Variants in CAMTA1 observed in about 807,000 individuals in gnomAD.
CAMTA1 encodes calmodulin-binding transcription activator 1.
In CAMTA1, 27 loss-of-function variants were observed where a neutral mutation model predicts 170.9. That is an observed-to-expected ratio of 0.16 (90% CI 0.12 to 0.22). The LOEUF is 0.22. Among genes scored for constraint, CAMTA1 ranks in the 10% least tolerant of loss-of-function variants. The probability of loss-of-function intolerance (pLI) is 1.00; values close to 1 mark genes in which losing one functional copy is unlikely to be tolerated. For missense variants in CAMTA1, 1,619 were observed against 2,217.2 expected (o/e 0.73, Z 5.42); for synonymous variants, 833 against 891.5 (o/e 0.93, Z 1.17).
intron 5 of CAMTA1, among the ~76,000 whole-genome samples, chr1:7,404,259 G>C (rs1407068983): frequency 6.6e-6 from 1 of 152,196 alleles, no homozygotes; most frequent in Admixed American, 6.5e-5. Context: ...TCTGGGGTTG[G>C]CGCCAACTCC....
At chr1:7,398,520 A>G (rs1486151313) in intron 5 of CAMTA1, among the ~76,000 whole-genome samples, 2 of 151,882 alleles carry the variant, frequency 1.3e-5, no homozygotes. Flanking sequence ...AATCTCTTGT[A>G]GGCAGCACAT....
At chr1:7,256,020 G>C (rs560158438) in intron 5 of CAMTA1, among the ~76,000 whole-genome samples, 2 of 152,106 alleles carry the variant, frequency 1.3e-5, no homozygotes, top group African/African-American at 4.8e-5. Context: ...GGAATCTCCC[G>C]GGGCTCTCTG....
intron 4 of CAMTA1, among the ~76,000 whole-genome samples, chr1:7,228,095 C>A (rs977354312): frequency 2.6e-5 from 4 of 152,236 alleles, no homozygotes; most frequent in African/African-American, 7.2e-5. Context: ...GAACTGGTTG[C>A]ATTAAACAGC....
At position 7,764,971 on chromosome 1, in the gene CAMTA1, A is replaced by C. The variant is rs184520591; in HGVS notation, c.4990-1488A>C. Among the ~76,000 whole-genome samples, 6 of 152,266 alleles carry C rather than the reference A, an allele frequency of 3.9e-5. No individual in the cohort carries two copies. The East Asian group carries it at 1.2e-3, about 29-fold the overall frequency. On this transcript the variant is annotated intron_variant, in intron 22 of 22. Coordinates refer to ENST00000303635, the MANE Select transcript of CAMTA1 (RefSeq NM_015215.4). ...TTAGACTCCGTCTCAAAAAAAAAAAAAAGTTTTACTTTACTGGTATAACTT... is the reference window on the plus strand; with the variant it reads ...TTAGACTCCGTCTCAAAAAAAAAAACAAGTTTTACTTTACTGGTATAACTT...
At chr1:7,205,410 A>T (rs879368757) in intron 4 of CAMTA1, among the ~76,000 whole-genome samples, 7 of 152,164 alleles carry the variant, frequency 4.6e-5, no homozygotes, top group Middle Eastern at 3.2e-3. Context: ...GCCTCCAACT[A>T]CTATTATTGA....
chr1:7,335,171 T>G (rs1476597929), intron 5 of CAMTA1, among the ~76,000 whole-genome samples: 290 of 91,084 alleles, frequency 3.2e-3, no homozygotes, highest in Middle Eastern at 6.8e-3. Flanking sequence ...GGGTGGGGGG[T>G]GTCAGACCCC....
chr1:7,117,351 C>T lies in CAMTA1; in HGVS notation c.302+25980C>T, dbSNP rs150098136. 4.7e-4 allele frequency among the ~76,000 whole-genome samples: 71 copies of T among 152,238 alleles called. 3 individuals are homozygous for T. In the South Asian group the frequency reaches 0.013, roughly 29 times the overall value. On this transcript the variant is annotated intron_variant, in intron 4 of 22. Transcript: ENST00000303635. ...AATAAAGAGTACAGCCAGCACAGCA[C>T]GTTTGGGGATAAACAGAGCTGATTC... is the stretch of plus-strand genomic sequence containing the variant.
intron 3 of CAMTA1, among the ~76,000 whole-genome samples, chr1:6,941,611 T>C (rs953919488): frequency 1.3e-5 from 2 of 152,172 alleles, no homozygotes; most frequent in Non-Finnish European, 2.9e-5. Context: ...CCGTGGGCAA[T>C]TGGGGCCCTT....
At position 7,560,467 on chromosome 1, in the gene CAMTA1, C is replaced by G. The variant is rs182262664; in HGVS notation, c.511-79933C>G. On this transcript the variant is annotated intron_variant, in intron 6 of 22. Transcript: ENST00000303635. ...TTTCTGTCCTCTGGGCCTCAGTTTT[C>G]TCCTCTGTGAAATGAGCCATGTAGA... Among the ~76,000 whole-genome samples, 4 of 152,218 alleles carry G rather than the reference C, an allele frequency of 2.6e-5. No individual in the cohort carries two copies. In the East Asian group the frequency reaches 7.8e-4, roughly 30 times the overall value.
chr1:7,474,598 G>A (rs2093389868), intron 6 of CAMTA1, among the ~76,000 whole-genome samples: 1 of 152,170 alleles, frequency 6.6e-6, no homozygotes, highest in Non-Finnish European at 1.5e-5. Context: ...TCCCACCTCT[G>A]CATTCTCTCT....
Position 7,732,671 on chromosome 1 carries a change from C to A in CAMTA1, c.3066+72C>A. The A allele has an allele frequency of 6.7e-7, 1 of 1,485,186 alleles. No individual in the cohort carries two copies. Among genetic ancestry groups the A allele is most frequent in the South Asian group, 1.4e-5 (1 of 72,720 alleles). 92.0% of individuals were successfully genotyped at this position (1,485,186 alleles called of 1,614,324 possible). Reference sequence around the variant, plus strand: ...TGGATTGGCGAGGCAGTGGATGGATCACAGGCCTCTTCTCTGCTGCTGATG... The same window carrying A: ...TGGATTGGCGAGGCAGTGGATGGATAACAGGCCTCTTCTCTGCTGCTGATG... On this transcript the variant is annotated intron_variant, in intron 12 of 22. Coordinates refer to ENST00000303635, the MANE Select transcript of CAMTA1 (RefSeq NM_015215.4). The surrounding 1 kb of genome is among the most constrained non-coding windows in gnomAD (Gnocchi z 4.1).
intron 11 of CAMTA1, among the ~76,000 whole-genome samples, chr1:7,691,907 T>C (rs4908679): frequency 0.15 from 21,766 of 146,800 alleles, 1,684 homozygotes; most frequent in East Asian, 0.24. Flanking sequence ...AGTGTAGGGG[T>C]CCAGGGACAC....
At chr1:7,441,776 C>T (rs1261191363) in intron 5 of CAMTA1, among the ~76,000 whole-genome samples, 2 of 152,116 alleles carry the variant, frequency 1.3e-5, no homozygotes, top group African/African-American at 2.4e-5. Flanking sequence ...TTGTTCGTCT[C>T]GCTCATTAAT....
At chr1:7,121,672 C>T (rs969055251) in intron 4 of CAMTA1, among the ~76,000 whole-genome samples, 2 of 152,216 alleles carry the variant, frequency 1.3e-5, no homozygotes, top group Non-Finnish European at 2.9e-5. Flanking sequence ...CAGGGTTCTG[C>T]TCTTCCACTG....
chr1:7,122,864 G>T (rs778957847), intron 4 of CAMTA1, among the ~76,000 whole-genome samples: 17 of 152,164 alleles, frequency 1.1e-4, no homozygotes, highest in Non-Finnish European at 2.2e-4. Flanking sequence ...CTGTCTTGCA[G>T]ACATCACAGT....
At chr1:6,862,745 C>T (rs1035080297) in intron 3 of CAMTA1, among the ~76,000 whole-genome samples, 46 of 152,274 alleles carry the variant, frequency 3.0e-4, no homozygotes, top group African/African-American at 9.4e-4. Flanking sequence ...ACCCTCCTCT[C>T]GCATCATTTA....
chr1:7,423,208 G>A (rs2091676849), intron 5 of CAMTA1, among the ~76,000 whole-genome samples: 2 of 152,280 alleles, frequency 1.3e-5, no homozygotes, highest in Admixed American at 6.5e-5. Context: ...TGGTGGCTCA[G>A]GCCTGTAAGC....
chr1:7,739,227 C>T (rs2096792761), intron 16 of CAMTA1, among the ~76,000 whole-genome samples: 1 of 152,116 alleles, frequency 6.6e-6, no homozygotes, highest in Non-Finnish European at 1.5e-5. Context: ...AAAAAAACGA[C>T]TCAGAATTCA....
chr1:6,848,786 G>C (rs1440998919), intron 3 of CAMTA1, among the ~76,000 whole-genome samples: 1 of 152,180 alleles, frequency 6.6e-6, no homozygotes, highest in Non-Finnish European at 1.5e-5. Context: ...ATACTTAGGG[G>C]AGTTCACAAA....
Sources: gnomAD v4.1 joint callset for allele counts (sites outside exome capture counted in the v4.1 genomes callset) on GRCh38, gnomAD v4.1.1 for gene constraint, Gnocchi (gnomAD v3.1) non-coding constraint, MANE v1.5 for transcripts, NCBI Gene and HGNC (gene_info 2026-07-23, HGNC 2026-07-21) for gene names.